Variants in LINGO2 observed in about 807,000 individuals in gnomAD.
The protein encoded by LINGO2 is leucine-rich repeat and immunoglobulin-like domain-containing nogo receptor-interacting protein 2.
A neutral mutation model predicts 30.6 loss-of-function variants in LINGO2; 14 were observed. The ratio of observed to expected loss-of-function variants is 0.46; its 90% CI spans 0.30 to 0.72. LINGO2 has a LOEUF of 0.72. LINGO2 is among the 30% of genes least tolerant of loss of function. LINGO2 has a pLI of 0.07. For synonymous variants in LINGO2, 317 were observed against 288.5 expected (o/e 1.10, Z -1.00); for missense variants, 729 against 751.7 (o/e 0.97, Z 0.35).
chr9:28,016,879 A>T (rs1426525877), intron 4 of LINGO2, among the ~76,000 whole-genome samples: 1 of 151,776 alleles, frequency 6.6e-6, no homozygotes, highest in Non-Finnish European at 1.5e-5. Context: ...AGCAGAGACA[A>T]CAACAACAAA....
intron 2 of LINGO2, among the ~76,000 whole-genome samples, chr9:28,461,993 C>T (rs931241582): frequency 5.9e-5 from 9 of 152,214 alleles, no homozygotes; most frequent in African/African-American, 2.2e-4. Context: ...ACTGAGCAAC[C>T]ACAGAGCCAA....
chr9:28,672,366 T>C (rs185500188), upstream of LINGO2, among the ~76,000 whole-genome samples: 47 of 152,292 alleles, frequency 3.1e-4, 3 homozygotes, highest in African/African-American at 1.1e-3. Context: ...TTGTGCCCTG[T>C]TTTATTTTAT....
the LINGO2 span, among the ~76,000 whole-genome samples, chr9:28,766,587 A>G: frequency 7.2e-3 from 1,092 of 152,166 alleles, 25 homozygotes; most frequent in African/African-American, 0.025. Flanking sequence ...TGTACCCCAA[A>G]GGAGTGAAAT....
At chr9:28,579,151 C>T (rs1211934010) in intron 1 of LINGO2, among the ~76,000 whole-genome samples, 1 of 151,746 alleles carries the variant, frequency 6.6e-6, no homozygotes, top group African/African-American at 2.4e-5. Context: ...CACATTAACT[C>T]AAAGGCTGAG....
chr9:28,368,829 C>A (rs746852571), intron 3 of LINGO2, among the ~76,000 whole-genome samples: 12 of 151,916 alleles, frequency 7.9e-5, no homozygotes, highest in Non-Finnish European at 1.6e-4. Flanking sequence ...ATCTCCTGAC[C>A]TCGTGATCCA....
chr9:28,952,831 G>A, the LINGO2 span, among the ~76,000 whole-genome samples: 37 of 152,222 alleles, frequency 2.4e-4, no homozygotes, highest in Admixed American at 5.9e-4. Flanking sequence ...AGAATTAAAA[G>A]CAAATAAAAT....
intron 4 of LINGO2, among the ~76,000 whole-genome samples, chr9:28,107,037 C>T (rs1826615623): frequency 6.6e-6 from 1 of 152,134 alleles, no homozygotes; most frequent in Admixed American, 6.6e-5. Context: ...CTTAATTCCT[C>T]CTCCTGGCTA....
chr9:28,008,792 A>G (rs1224520034), intron 5 of LINGO2, among the ~76,000 whole-genome samples: 2 of 152,172 alleles, frequency 1.3e-5, no homozygotes, highest in African/African-American at 4.8e-5. Context: ...TATACCACAT[A>G]TGTTCACCGA....
the LINGO2 span, among the ~76,000 whole-genome samples, chr9:28,807,478 A>G: frequency 3.9e-5 from 6 of 152,214 alleles, no homozygotes; most frequent in Non-Finnish European, 7.3e-5. Context: ...AAGCATAGTA[A>G]CTGAATTAAG....
chr9:28,595,807 T>C (rs959217939), intron 1 of LINGO2, among the ~76,000 whole-genome samples: 12 of 152,156 alleles, frequency 7.9e-5, no homozygotes, highest in Admixed American at 2.6e-4. Context: ...TCACATTGCC[T>C]GTGCATCTGT....
At chr9:29,044,319 T>C in the LINGO2 span, among the ~76,000 whole-genome samples, 9 of 152,126 alleles carry the variant, frequency 5.9e-5, no homozygotes, top group South Asian at 1.9e-3. Context: ...AAATGACTCC[T>C]CCTTTGTTCT....
chr9:28,000,153 A>C (rs1306736491), intron 5 of LINGO2, among the ~76,000 whole-genome samples: 1 of 152,218 alleles, frequency 6.6e-6, no homozygotes, highest in African/African-American at 2.4e-5. Context: ...TTCACCGAAG[A>C]AGCTCTATGG....
chr9:29,055,177 C>A, the LINGO2 span, among the ~76,000 whole-genome samples: 2 of 151,502 alleles, frequency 1.3e-5, no homozygotes, highest in African/African-American at 2.4e-5. Context: ...CGAGATCATG[C>A]CACTGCACTC....
the LINGO2 span, among the ~76,000 whole-genome samples, chr9:28,824,684 C>T: frequency 1.3e-5 from 2 of 152,154 alleles, no homozygotes; most frequent in African/African-American, 2.4e-5. Flanking sequence ...GACATGCATA[C>T]CATGCCTTTC....
At chr9:28,105,871 C>T (rs1826575480) in intron 4 of LINGO2, among the ~76,000 whole-genome samples, 1 of 152,002 alleles carries the variant, frequency 6.6e-6, no homozygotes. Context: ...GATTTCTGGC[C>T]TATGGAACTG....
the LINGO2 span, among the ~76,000 whole-genome samples, chr9:28,871,334 A>G: frequency 2.0e-5 from 3 of 151,656 alleles, no homozygotes; most frequent in Non-Finnish European, 2.9e-5. Context: ...ATATAAGCTC[A>G]TTGAAAATAT....
the LINGO2 span, among the ~76,000 whole-genome samples, chr9:29,024,535 T>A: frequency 6.6e-6 from 1 of 152,132 alleles, no homozygotes; most frequent in African/African-American, 2.4e-5. Context: ...ATCTTCCTCA[T>A]GTACTTTTCA....
chr9:28,144,499 A>T (rs1225810134), intron 4 of LINGO2, among the ~76,000 whole-genome samples: 1 of 152,230 alleles, frequency 6.6e-6, no homozygotes, highest in African/African-American at 2.4e-5. Flanking sequence ...GACAACATTC[A>T]TAATGCCATC....
chr9:28,705,330 T>C, the LINGO2 span, among the ~76,000 whole-genome samples: 1 of 152,106 alleles, frequency 6.6e-6, no homozygotes, highest in Non-Finnish European at 1.5e-5. Context: ...ATAACAGTCC[T>C]ATAATTATAA....
Sources: gnomAD v4.1 joint callset for allele counts (sites outside exome capture counted in the v4.1 genomes callset) on GRCh38, gnomAD v4.1.1 for gene constraint, MANE v1.5 for transcripts, NCBI Gene and HGNC (gene_info 2026-07-23, HGNC 2026-07-21) for gene names.